The following SLC25A13 variants were observed in gnomAD, a reference collection of about 807,000 sequenced individuals.
SLC25A13 encodes solute carrier family 25 member 13.
A neutral mutation model predicts 85.5 loss-of-function variants in SLC25A13; 70 were observed. That is an observed-to-expected ratio of 0.82 (90% CI 0.68 to 1.00). SLC25A13 has a LOEUF of 1.00. SLC25A13 is among the 50% of genes least tolerant of loss of function. The pLI, the probability that SLC25A13 is intolerant of heterozygous loss-of-function variation, is 0.00. For synonymous variants in SLC25A13, 259 were observed against 288.7 expected, an observed-to-expected ratio of 0.90 and a Z score of 1.04; for missense variants, 765 against 819.8, an observed-to-expected ratio of 0.93 and a Z score of 0.82.
At chr7:96,137,778 C>A (rs1307631029) in intron 14 of SLC25A13, among the ~76,000 whole-genome samples, 15 of 152,172 alleles carry the variant, frequency 9.9e-5, no homozygotes, top group Admixed American at 9.8e-4. Context: ...GCGTGCGCCA[C>A]CATGCCCAGC....
chr7:96,297,822 A>G (rs866255683), intron 1 of SLC25A13, among the ~76,000 whole-genome samples: 1 of 152,228 alleles, frequency 6.6e-6, no homozygotes, highest in Non-Finnish European at 1.5e-5. Flanking sequence ...ATATTATTCT[A>G]CATATTTTAG....
At chr7:96,133,059 G>A (rs1343350413) in intron 14 of SLC25A13, among the ~76,000 whole-genome samples, 2 of 152,108 alleles carry the variant, frequency 1.3e-5, no homozygotes, top group East Asian at 3.8e-4. Context: ...CCTCACACAA[G>A]TAACACAGGC....
intron 2 of SLC25A13, among the ~76,000 whole-genome samples, chr7:96,284,743 C>A (rs1032351494): frequency 1.3e-5 from 2 of 152,220 alleles, no homozygotes; most frequent in African/African-American, 4.8e-5. Context: ...CCTGCACAAG[C>A]TCTCTTGCCT....
chr7:96,189,243 G>A (rs776903352), intron 9 of SLC25A13, 51 bp downstream of exon 9: 3 of 1,520,652 alleles, frequency 2.0e-6, no homozygotes, highest in Middle Eastern at 1.7e-4. Flanking sequence ...ACAGGGTTGG[G>A]GTATCCTGCT....
At position 96,265,085 on chromosome 7, in the gene SLC25A13, C is replaced by G. The variant is rs75675034; in HGVS notation, c.212+12111G>C. Among the ~76,000 whole-genome samples, 116 of 152,190 alleles carry G rather than the reference C, an allele frequency of 7.6e-4. 3 individuals carry two copies. In the East Asian group the frequency reaches 0.021, roughly 27 times the overall value. On this transcript the variant is annotated intron_variant, in intron 3 of 17. Transcript: ENST00000265631. ...GGGGATGTTCTTCTTTGATACAACACCAAATCCCAACAAGTAAAGTTTCTT... is the reference window on the plus strand; with the variant it reads ...GGGGATGTTCTTCTTTGATACAACAGCAAATCCCAACAAGTAAAGTTTCTT...
At chr7:96,310,445 CATA>C (rs1420304694) in intron 1 of SLC25A13, among the ~76,000 whole-genome samples, 1 of 152,220 alleles carries the variant, frequency 6.6e-6, no homozygotes, top group Non-Finnish European at 1.5e-5. Flanking sequence ...CTTCCCAATG[CATA>C]ATATCAGTCG....
At chr7:96,274,573 A>G (rs893142379) in intron 3 of SLC25A13, among the ~76,000 whole-genome samples, 61 of 152,120 alleles carry the variant, frequency 4.0e-4, no homozygotes, top group African/African-American at 1.4e-3. Context: ...TTAGACATGA[A>G]GTCCTTGCAC....
rs552367565 is a variant in SLC25A13 at position 96,311,055 on chromosome 7, T to C, written c.15+10887A>G. 8.5e-5 allele frequency among the ~76,000 whole-genome samples: 13 copies of C among 152,316 alleles called. No individual in the cohort carries two copies. The East Asian group carries it at 2.1e-3, about 25-fold the overall frequency. On this transcript the variant is annotated intron_variant, in intron 1 of 17. Transcript: ENST00000265631. The stretch of plus-strand genomic sequence containing the variant: ...GCCATTATTTTTTATAACAATGATA[T>C]ATACTCATATATAGACATACATACA...
Position 96,193,065 on chromosome 7 carries a change from G to C in SLC25A13, c.587C>G (p.Thr196Ser). 1 of 1,613,976 alleles carries C rather than the reference G, an allele frequency of 6.2e-7. No homozygotes were observed. Among genetic ancestry groups the C allele is most frequent in the Non-Finnish European group, 8.5e-7 (1 of 1,179,982 alleles). ...TACTAGACATTCTTCTACAAAAGGA[G>C]TCAAGACATGGGGGCGGATGGTGAC... ...IMVTIRPHVL[T>S]PFVEECLVAA... is the part of the protein sequence containing the mutation. Residue 196 changes from threonine to serine, a missense_variant, in exon 6 of 18, where the codon ACT becomes AGT. Thr to Ser is a moderately conservative substitution (Grantham distance 58). Coordinates refer to ENST00000265631, the MANE Select transcript of SLC25A13 (RefSeq NM_014251.3).
At chr7:96,136,112 A>C (rs1792276020) in intron 14 of SLC25A13, among the ~76,000 whole-genome samples, 1 of 152,162 alleles carries the variant, frequency 6.6e-6, no homozygotes, top group Admixed American at 6.5e-5. Context: ...CTGGGAAAAA[A>C]CCCTCAGATC....
chr7:96,228,905 G>A (rs550319138), intron 4 of SLC25A13, among the ~76,000 whole-genome samples: 1 of 152,276 alleles, frequency 6.6e-6, no homozygotes, highest in African/African-American at 2.4e-5. Context: ...GCCCACCCAC[G>A]CTGCACTCGA....
At position 96,321,926 on chromosome 7, in the gene SLC25A13, T is replaced by C; in HGVS notation, c.15+16A>G. On this transcript the variant is annotated intron_variant, in intron 1 of 17. Transcript: ENST00000265631. Reference sequence around the variant, plus strand: ...TCCGGCAGGCGCGCTCCCCCCGGCCTCGGGCCCGCGGTTACCTTGGCGGCC... The same window carrying C: ...TCCGGCAGGCGCGCTCCCCCCGGCCCCGGGCCCGCGGTTACCTTGGCGGCC... 6.5e-7 allele frequency: 1 copy of C among 1,530,456 alleles called. No individual in the cohort carries two copies. The highest frequency in any genetic ancestry group is 2.0e-5 in the Admixed American group (1 of 49,952). The allele number at this position is 1,530,456 out of a possible 1,614,324, so 94.8% of individuals were successfully genotyped here.
chr7:96,148,712 C>T (rs1047182112), intron 13 of SLC25A13, among the ~76,000 whole-genome samples: 2 of 152,124 alleles, frequency 1.3e-5, no homozygotes, highest in African/African-American at 4.8e-5. Context: ...CCATCTCTAT[C>T]CAGGGTAAAA....
chr7:96,165,852 T>C (rs185112123), intron 13 of SLC25A13, among the ~76,000 whole-genome samples: 1 of 152,310 alleles, frequency 6.6e-6, no homozygotes, highest in Admixed American at 6.5e-5. Flanking sequence ...TGTGTCTGTA[T>C]TGTTGTGTTT....
chr7:96,272,116 G>A (rs183484986), intron 3 of SLC25A13, among the ~76,000 whole-genome samples: 124 of 152,298 alleles, frequency 8.1e-4, no homozygotes, highest in African/African-American at 2.9e-3. Flanking sequence ...TCGAACTCCT[G>A]ATCTCAGGTG....
Position 96,226,566 on chromosome 7 carries a change from T to C in SLC25A13, c.328+8236A>G, listed in dbSNP as rs186453253. ...TTGTAAATTTTTGTCAGAATCTCCA[T>C]AACTATTTTCCACAGGGACTGCACC... On this transcript the variant is annotated intron_variant, in intron 4 of 17. Transcript: ENST00000265631. Among the ~76,000 whole-genome samples the C allele has an allele frequency of 7.2e-5, 11 of 152,112 alleles. No homozygotes were observed. The East Asian group carries it at 2.1e-3, about 29-fold the overall frequency.
intron 4 of SLC25A13, among the ~76,000 whole-genome samples, chr7:96,231,258 G>C (rs1168221399): frequency 1.3e-5 from 2 of 152,094 alleles, no homozygotes; most frequent in African/African-American, 2.4e-5. Flanking sequence ...TGACAAATGG[G>C]ACCTAATTAA....
intron 11 of SLC25A13, 116 bp downstream of exon 11, chr7:96,184,161 A>C: frequency 7.6e-7 from 1 of 1,316,666 alleles, no homozygotes; most frequent in Non-Finnish European, 1.1e-6. Context: ...GATAATTGAA[A>C]ATCTGCTGTA....
intron 13 of SLC25A13, among the ~76,000 whole-genome samples, chr7:96,157,419 C>G (rs1391620612): frequency 6.6e-6 from 1 of 152,166 alleles, no homozygotes; most frequent in African/African-American, 2.4e-5. Context: ...TTTTGCCACC[C>G]GAATCCCTCT....
Sources: gnomAD v4.1 joint callset for allele counts (sites outside exome capture counted in the v4.1 genomes callset) on GRCh38, gnomAD v4.1.1 for gene constraint, MANE v1.5 for transcripts, NCBI Gene and HGNC (gene_info 2026-07-23, HGNC 2026-07-21) for gene names.